Variants in HAUS8 observed in about 807,000 individuals in gnomAD.
HAUS8 encodes the protein HAUS augmin-like complex subunit 8.
HAUS8 carries 38 observed loss-of-function variants against 42.9 expected under a neutral mutation model. The observed-to-expected ratio is 0.89, with a 90% CI of 0.68 to 1.16. The LOEUF (loss-of-function observed/expected upper bound fraction) is 1.16, where lower values mean the gene tolerates loss of function less well. HAUS8 is among the 50% of genes most tolerant of loss of function. The probability of loss-of-function intolerance (pLI) is 0.00; values close to 1 mark genes in which losing one functional copy is unlikely to be tolerated. For synonymous variants in HAUS8, 199 were observed against 205.8 expected, an observed-to-expected ratio of 0.97 and a Z score of 0.28; for missense variants, 494 against 511.6, an observed-to-expected ratio of 0.97 and a Z score of 0.33.
intron 4 of HAUS8, among the ~76,000 whole-genome samples, chr19:17,061,265 A>G (rs917286228): frequency 1.3e-5 from 2 of 151,954 alleles, no homozygotes; most frequent in African/African-American, 4.8e-5. Flanking sequence ...TGGGTAACTG[A>G]GAATACAGGC....
At chr19:17,059,311 ACAGAGAAGTCCCCTGTCT>A (rs2057345563) in intron 6 of HAUS8, among the ~76,000 whole-genome samples, 2 of 152,236 alleles carry the variant, frequency 1.3e-5, no homozygotes. Flanking sequence ...CAGCATGGGC[ACAGAGAAGTCCCCTGTCT>A]CATTTTTTAC....
At chr19:17,052,695 A>T in intron 10 of HAUS8, 130 bp downstream of exon 10, 1 of 882,916 alleles carries the variant, frequency 1.1e-6, no homozygotes, top group East Asian at 2.4e-5. Context: ...CTGGGAAAAG[A>T]GCAGCTCGCT....
intron 6 of HAUS8, among the ~76,000 whole-genome samples, chr19:17,059,190 C>A (rs1454488089): frequency 6.6e-6 from 1 of 152,208 alleles, no homozygotes; most frequent in Non-Finnish European, 1.5e-5. Context: ...AGAATGCCGT[C>A]TCCCCACCTG....
chr19:17,068,457 G>A (rs919246506), intron 3 of HAUS8, among the ~76,000 whole-genome samples: 27 of 152,190 alleles, frequency 1.8e-4, no homozygotes, highest in African/African-American at 3.6e-4. Context: ...TCCAGAAAGC[G>A]AATTAACTGG....
chr19:17,063,730 G>C (rs1240669653), intron 3 of HAUS8, among the ~76,000 whole-genome samples: 1 of 152,100 alleles, frequency 6.6e-6, no homozygotes, highest in African/African-American at 2.4e-5. Context: ...ACAAAACAGT[G>C]GAAGGAGGAG....
intron 2 of HAUS8, 157 bp from the exon 3 acceptor site, chr19:17,069,243 C>T (rs893938387): frequency 1.9e-5 from 13 of 677,644 alleles, no homozygotes; most frequent in Admixed American, 6.8e-5. Context: ...CCTCTGATCA[C>T]GTCCTTCGGC....
intron 10 of HAUS8, among the ~76,000 whole-genome samples, chr19:17,051,171 G>A (rs2057285191): frequency 6.6e-6 from 1 of 152,052 alleles, no homozygotes. Flanking sequence ...CCTGGGAGTG[G>A]GACTGTGGCT....
rs749791241 is a variant in HAUS8 at position 17,058,844 on chromosome 19, A to T, written c.453T>A (p.Ser151=). 1 of 1,613,472 alleles carries T rather than the reference A, an allele frequency of 6.2e-7. No homozygotes were observed. The highest frequency in any genetic ancestry group is 8.5e-7 in the Non-Finnish European group (1 of 1,179,804). The change falls in exon 7 of 11, where the codon TCT becomes TCA. Residue 151 remains serine (S), a synonymous_variant. Transcript: ENST00000253669. ...DLSEAMEMME[S]QTLLLTLLSV... is the part of the protein sequence containing the mutation. ...ATAGTAGCGTCAGCAGTAGTGTCTG[A>T]GACTCCATCATTTCCATTGCTTCAG...
At position 17,058,802 on chromosome 19, in the gene HAUS8, T is replaced by G; in HGVS notation, c.486+9A>C. The G allele has an allele frequency of 1.2e-6, 2 of 1,612,342 alleles. No homozygotes were observed. Among genetic ancestry groups the G allele is most frequent in the Non-Finnish European group, 1.7e-6 (2 of 1,179,330 alleles). Reference sequence around the variant, plus strand: ...TCCATGGCATACGTGAACAAGAAACTGTTTTCACCTTTACGGATAGTAGCG... The same window carrying G: ...TCCATGGCATACGTGAACAAGAAACGGTTTTCACCTTTACGGATAGTAGCG... On this transcript the variant is annotated intron_variant, in intron 7 of 10. Transcript: ENST00000253669.
At chr19:17,052,014 C>G (rs984476070) in intron 10 of HAUS8, 1 of 152,086 alleles carries the variant, frequency 6.6e-6, no homozygotes, top group Non-Finnish European at 1.5e-5. Flanking sequence ...GTGGTGTGCA[C>G]CTGTAATCCC....
chr19:17,065,985 A>AAG (rs1568640126), intron 3 of HAUS8, among the ~76,000 whole-genome samples: 3 of 151,078 alleles, frequency 2.0e-5, no homozygotes, highest in Non-Finnish European at 3.0e-5. Context: ...AAAAAAAAAA[A>AAG]AGAGACAGGA....
chr19:17,069,064 C>G lies in HAUS8; in HGVS notation c.114G>C (p.Arg38=), dbSNP rs181049190. ...TTGTCTTCTTTTCATACTGCAGATA[C>G]CGGGACTCAATCACTCTTCCACCTG... The part of the protein sequence containing the change: ...RVQGGRVIES[R]YLQYEKKTTQ... Residue 38 remains arginine (R), a synonymous_variant, in exon 3 of 11, where the codon CGG becomes CGC. Transcript: ENST00000253669. 3 of 1,613,398 alleles carry G rather than the reference C, an allele frequency of 1.9e-6. No individual in the cohort carries two copies. In the African/African-American group the frequency reaches 4.0e-5, roughly 22 times the overall value.
At chr19:17,067,097 C>T (rs2057391183) in intron 3 of HAUS8, among the ~76,000 whole-genome samples, 1 of 150,498 alleles carries the variant, frequency 6.6e-6, no homozygotes, top group African/African-American at 2.4e-5. Flanking sequence ...CCCAGCTACT[C>T]GGGAGGCTGA....
chr19:17,073,221 A>C (rs895593225), intron 2 of HAUS8, 53 bp downstream of exon 2: 1 of 1,492,680 alleles, frequency 6.7e-7, no homozygotes, highest in Non-Finnish European at 9.3e-7. Flanking sequence ...CTCCAAAAGC[A>C]CGTAATGAAA....
At chr19:17,065,992 A>G (rs554560856) in intron 3 of HAUS8, among the ~76,000 whole-genome samples, 29 of 150,908 alleles carry the variant, frequency 1.9e-4, no homozygotes, top group African/African-American at 6.8e-4. Context: ...AAAAAGAGAC[A>G]GGATCTCACT....
chr19:17,062,662 G>A (rs754083239), intron 4 of HAUS8, 36 bp downstream of exon 4: 27 of 1,540,074 alleles, frequency 1.8e-5, no homozygotes, highest in East Asian at 6.7e-5. Context: ...TTACTGCCGC[G>A]CTCATCACTG....
intron 4 of HAUS8, among the ~76,000 whole-genome samples, chr19:17,061,133 C>CT (rs5827355): frequency 1.4e-5 from 2 of 140,876 alleles, no homozygotes; most frequent in South Asian, 2.3e-4. Flanking sequence ...TGGAAATTTT[C>CT]TTTTTTTTTT....
intron 2 of HAUS8, among the ~76,000 whole-genome samples, chr19:17,071,673 T>C (rs1263454563): frequency 1.3e-5 from 2 of 152,142 alleles, no homozygotes; most frequent in Non-Finnish European, 2.9e-5. Flanking sequence ...CACTTTCAAG[T>C]TTCCTGAAAA....
intron 8 of HAUS8, among the ~76,000 whole-genome samples, chr19:17,057,234 C>T (rs1380752053): frequency 6.6e-6 from 1 of 151,964 alleles, no homozygotes; most frequent in Non-Finnish European, 1.5e-5. Context: ...CCTGTAGTCC[C>T]AGCTACTCAG....
Sources: allele counts gnomAD v4.1 joint callset (sites outside exome capture counted in the v4.1 genomes callset), GRCh38; gene constraint gnomAD v4.1.1; transcripts MANE v1.5; gene names NCBI Gene and HGNC (gene_info 2026-07-23, HGNC 2026-07-21).